Variants in CD247 observed in about 807,000 individuals in gnomAD.
The protein encoded by CD247 is CD247 molecule.
In CD247, 13 loss-of-function variants were observed where a neutral mutation model predicts 30.0. The observed-to-expected ratio is 0.43, with a 90% CI of 0.28 to 0.69. The LOEUF is 0.69. Among genes scored for constraint, CD247 ranks in the 30% least tolerant of loss-of-function variants. CD247 has a pLI of 0.16. For synonymous variants in CD247, 72 were observed against 80.0 expected, an observed-to-expected ratio of 0.90 and a Z score of 0.53; for missense variants, 193 against 212.6, an observed-to-expected ratio of 0.91 and a Z score of 0.57.
At position 167,435,434 on chromosome 1, in the gene CD247, G is replaced by A. The variant is rs55729925; in HGVS notation, c.301C>T (p.Gln101Ter). The A allele has an allele frequency of 2.7e-4, 439 of 1,611,206 alleles. 1 individual carries two copies. The highest frequency in any genetic ancestry group is 3.0e-4 in the Non-Finnish European group (349 of 1,177,464). ...CCTTCCTGAGGGTTCTTCCTTCTCT[G>A]CTAGGAAAGACAACGGGAAGACGTT... ...GRDPEMGGKP[Q>*]RRKNPQEGLY... The change falls in exon 5 of 8, where the codon CAG (glutamine) becomes TAG (stop). Residue 101 changes from glutamine to a stop codon, truncating the protein, a stop_gained and splice_region_variant. Coordinates refer to ENST00000362089, the MANE Select transcript of CD247 (RefSeq NM_198053.3). LOFTEE classifies it high-confidence loss of function.
intron 1 of CD247, among the ~76,000 whole-genome samples, chr1:167,509,635 A>T (rs1483347617): frequency 6.6e-6 from 1 of 152,122 alleles, no homozygotes; most frequent in Non-Finnish European, 1.5e-5. Flanking sequence ...CTGGGTGCCG[A>T]GTCTCTTCTC....
intron 1 of CD247, among the ~76,000 whole-genome samples, chr1:167,500,834 AT>A (rs1362914235): frequency 6.6e-6 from 1 of 152,066 alleles, no homozygotes; most frequent in Non-Finnish European, 1.5e-5. Context: ...AATGTTTGTG[AT>A]TTTTGTTTTA....
chr1:167,486,094 T>G (rs948430928), intron 1 of CD247, among the ~76,000 whole-genome samples: 3 of 152,208 alleles, frequency 2.0e-5, no homozygotes, highest in African/African-American at 7.2e-5. Context: ...TCAGCTCTGC[T>G]GCTCTCAAGA....
At chr1:167,516,200 G>T (rs139472879) in intron 1 of CD247, among the ~76,000 whole-genome samples, 21 of 152,336 alleles carry the variant, frequency 1.4e-4, no homozygotes, top group African/African-American at 4.8e-4. Context: ...CACACTGACC[G>T]CTGGGTGCAT....
intron 1 of CD247, among the ~76,000 whole-genome samples, chr1:167,487,557 G>A (rs940744760): frequency 2.0e-5 from 3 of 152,146 alleles, no homozygotes; most frequent in East Asian, 1.9e-4. Context: ...TGCTTAAACC[G>A]CATAACCTTA....
At chr1:167,515,330 G>A (rs980207888) in intron 1 of CD247, among the ~76,000 whole-genome samples, 4 of 152,104 alleles carry the variant, frequency 2.6e-5, no homozygotes, top group South Asian at 2.1e-4. Context: ...GTGGCCACCC[G>A]GACCAGTGAT....
rs142777251 is a variant in CD247 at position 167,440,649 on chromosome 1, C to A, written c.162+15G>T. 1.3e-6 allele frequency: 2 copies of A among 1,578,888 alleles called. No individual in the cohort carries two copies. ...GGGACCCCGTGCCCTCCTCCCAAAG[C>A]CCAGTGGTACCCACCTTCACTCTCA... On this transcript the variant is annotated intron_variant, in intron 2 of 7. Coordinates refer to ENST00000362089, the MANE Select transcript of CD247 (RefSeq NM_198053.3).
Position 167,435,395 on chromosome 1 carries a change from T to G in CD247, c.336+4A>C. 6.2e-7 allele frequency: 1 copy of G among 1,609,434 alleles called. No homozygotes were observed. The highest frequency in any genetic ancestry group is 1.7e-5 in the Admixed American group (1 of 59,996). On this transcript the variant is annotated splice_donor_region_variant and intron_variant, in intron 5 of 7. Coordinates refer to ENST00000362089, the MANE Select transcript of CD247 (RefSeq NM_198053.3). ...AGGTCAAATGTGAGGTCTCCTCTAC[T>G]CACATTGTACAGGCCTTCCTGAGGG...
At chr1:167,482,631 G>C (rs946753333) in intron 1 of CD247, among the ~76,000 whole-genome samples, 1 of 152,220 alleles carries the variant, frequency 6.6e-6, no homozygotes, top group African/African-American at 2.4e-5. Flanking sequence ...TGCTATGAAA[G>C]CAACAACTTC....
intron 1 of CD247, chr1:167,458,359 C>T (rs911989242): frequency 4.1e-4 from 63 of 152,642 alleles, no homozygotes; most frequent in African/African-American, 1.4e-3. Flanking sequence ...AGGCCCCAGG[C>T]TGTGACCAGG....
At chr1:167,500,367 T>G (rs949995029) in intron 1 of CD247, among the ~76,000 whole-genome samples, 4 of 152,254 alleles carry the variant, frequency 2.6e-5, no homozygotes, top group African/African-American at 9.6e-5. Context: ...TCATCTTTCC[T>G]TAACAGGACA....
intron 1 of CD247, among the ~76,000 whole-genome samples, chr1:167,493,715 A>C (rs577002466): frequency 6.6e-6 from 1 of 152,334 alleles, no homozygotes; most frequent in Admixed American, 6.5e-5. Context: ...CATAATGTAC[A>C]GAAGAAAACA....
At chr1:167,493,016 C>G (rs1040223531) in intron 1 of CD247, among the ~76,000 whole-genome samples, 1 of 144,954 alleles carries the variant, frequency 6.9e-6, no homozygotes, top group Non-Finnish European at 1.5e-5. Flanking sequence ...CAATTTTGCC[C>G]TATTTTCCCT....
At chr1:167,475,969 A>G (rs1421686380) in intron 1 of CD247, among the ~76,000 whole-genome samples, 2 of 152,228 alleles carry the variant, frequency 1.3e-5, no homozygotes, top group African/African-American at 4.8e-5. Context: ...TAAATTTTGT[A>G]GGAGGGATAA....
chr1:167,484,654 G>A (rs567840996), intron 1 of CD247, among the ~76,000 whole-genome samples: 22 of 152,356 alleles, frequency 1.4e-4, no homozygotes, highest in African/African-American at 4.8e-4. Context: ...GCACGTGCCT[G>A]TAGTCCCAGC....
chr1:167,461,711 G>A (rs1032790467), intron 1 of CD247, among the ~76,000 whole-genome samples: 2 of 152,124 alleles, frequency 1.3e-5, no homozygotes, highest in African/African-American at 4.8e-5. Context: ...AGCCGGCTGT[G>A]GTGGTGGGCG....
At chr1:167,493,902 T>C (rs2102083808) in intron 1 of CD247, among the ~76,000 whole-genome samples, 1 of 152,308 alleles carries the variant, frequency 6.6e-6, no homozygotes, top group East Asian at 1.9e-4. Context: ...GCATGTGCCC[T>C]GGTCAGGCAC....
intron 1 of CD247, among the ~76,000 whole-genome samples, chr1:167,497,511 G>A (rs1654739026): frequency 1.3e-5 from 2 of 152,180 alleles, no homozygotes; most frequent in Admixed American, 6.5e-5. Flanking sequence ...TTCTAGGGCA[G>A]GGGAGGCTTT....
chr1:167,480,426 C>T (rs1038309283), intron 1 of CD247, among the ~76,000 whole-genome samples: 3 of 152,206 alleles, frequency 2.0e-5, no homozygotes, highest in Non-Finnish European at 4.4e-5. Flanking sequence ...CTCTTAAGAA[C>T]GTCTCCTGTC....
Sources: gnomAD v4.1 joint callset for allele counts (sites outside exome capture counted in the v4.1 genomes callset) on GRCh38, gnomAD v4.1.1 for gene constraint, MANE v1.5 for transcripts, NCBI Gene and HGNC (gene_info 2026-07-23, HGNC 2026-07-21) for gene names.